The following CDH23 variants were observed in gnomAD, a reference collection of about 807,000 sequenced individuals.
CDH23 encodes cadherin-23.
In CDH23, 189 loss-of-function variants were observed where a neutral mutation model predicts 317.1. The ratio of observed to expected loss-of-function variants is 0.60; its 90% CI spans 0.53 to 0.67. The LOEUF (loss-of-function observed/expected upper bound fraction) is 0.67. CDH23 is among the 30% of genes least tolerant of loss of function. CDH23 has a pLI of 0.00. For missense variants in CDH23, 4,401 were observed against 4,592.4 expected (o/e 0.96, Z 1.20); for synonymous variants, 1,839 against 1,876.8 (o/e 0.98, Z 0.52).
intron 3 of CDH23, among the ~76,000 whole-genome samples, chr10:71,508,958 C>T (rs992823651): frequency 1.3e-5 from 2 of 152,192 alleles, no homozygotes; most frequent in Non-Finnish European, 2.9e-5. Flanking sequence ...CAAAGCAGGG[C>T]AGTTAGTGAC....
chr10:71,807,704 C>G lies in CDH23; in HGVS notation c.8497C>G (p.Arg2833Gly), dbSNP rs760130862. Reference sequence around the variant, plus strand: ...TGCTGACCTCACACTGCAGGAGGTGCGCGTTGTGCTAGAGGACATCAACGA... The same window carrying G: ...TGCTGACCTCACACTGCAGGAGGTGGGCGTTGTGCTAGAGGACATCAACGA... ...LVADLTLQEV[R>G]VVLEDINDQP... Residue 2833 changes from arginine (R) to glycine (G), a missense_variant, in exon 59 of 70, where the codon CGC becomes GGC. This residue lies in a region of CDH23 where 1,144 missense variants were observed against 1,138.2 expected (regional missense o/e 1.01). Coordinates refer to ENST00000224721, the MANE Select transcript of CDH23 (RefSeq NM_022124.6). The G allele has an allele frequency of 1.2e-6, 2 of 1,612,436 alleles. No individual in the cohort carries two copies. Among genetic ancestry groups the G allele is most frequent in the Non-Finnish European group, 8.5e-7 (1 of 1,179,240 alleles).
intron 3 of CDH23, among the ~76,000 whole-genome samples, chr10:71,489,107 C>G (rs576396472): frequency 1.3e-5 from 2 of 152,154 alleles, no homozygotes; most frequent in African/African-American, 4.8e-5. Flanking sequence ...CATTTGTCTT[C>G]TTTAATCTAT....
chr10:71,786,893 A>G (rs550415033), intron 44 of CDH23, among the ~76,000 whole-genome samples: 1 of 151,548 alleles, frequency 6.6e-6, no homozygotes, highest in African/African-American at 2.4e-5. Context: ...TAAAAGCAGC[A>G]TTGAGTGGCA....
chr10:71,745,653 C>T (rs1729497138), intron 38 of CDH23, among the ~76,000 whole-genome samples: 1 of 152,220 alleles, frequency 6.6e-6, no homozygotes, highest in Non-Finnish European at 1.5e-5. Flanking sequence ...CTTCCACTGA[C>T]CAGACCCTCA....
At chr10:71,552,301 A>G (rs953227043) in intron 6 of CDH23, among the ~76,000 whole-genome samples, 1 of 152,104 alleles carries the variant, frequency 6.6e-6, no homozygotes, top group Non-Finnish European at 1.5e-5. Flanking sequence ...AGTGATCCAC[A>G]TGAGAGCTGG....
At chr10:71,507,530 A>G (rs957620998) in intron 3 of CDH23, among the ~76,000 whole-genome samples, 1 of 152,232 alleles carries the variant, frequency 6.6e-6, no homozygotes, top group Middle Eastern at 3.4e-3. Context: ...CATCTCTACT[A>G]AAACTACGAA....
At chr10:71,529,126 T>G (rs1025066653) in intron 6 of CDH23, among the ~76,000 whole-genome samples, 3 of 152,170 alleles carry the variant, frequency 2.0e-5, no homozygotes, top group Admixed American at 6.5e-5. Flanking sequence ...GAGCATTTGT[T>G]AAAATGTGGA....
Position 71,397,240 on chromosome 10 carries a change from G to C in CDH23, c.-84G>C. 4.8e-6 allele frequency: 1 copy of C among 209,616 alleles called. No homozygotes were observed. Among genetic ancestry groups the C allele is most frequent in the Non-Finnish European group, 9.6e-6 (1 of 104,640 alleles). 13.0% of individuals were successfully genotyped at this position (209,616 alleles called of 1,614,324 possible). On this transcript the variant is annotated 5_prime_UTR_variant, in exon 1 of 70. Transcript: ENST00000224721. The surrounding 1 kb of genome is among the most constrained non-coding windows in gnomAD (Gnocchi z 4.8). ...GCGGCGGTGGCCAGGGCCAGAGCAG[G>C]CGGCCCGCGGGGGCCGATCCGGCGG...
At chr10:71,550,587 AAAAGAAAGAAAG>A (rs1313315240) in intron 6 of CDH23, among the ~76,000 whole-genome samples, 1 of 151,344 alleles carries the variant, frequency 6.6e-6, no homozygotes, top group East Asian at 1.9e-4. Flanking sequence ...AGAAAAAAGA[AAAAGAAAGAAAG>A]AAAGAAAAGG....
intron 7 of CDH23, among the ~76,000 whole-genome samples, chr10:71,569,887 T>C (rs1283487517): frequency 6.6e-6 from 1 of 150,902 alleles, no homozygotes; most frequent in Non-Finnish European, 1.5e-5. Context: ...TGCCAAGCAT[T>C]AAAAAAAAAT....
chr10:71,718,356 C>A (rs1423539629), intron 28 of CDH23, among the ~76,000 whole-genome samples: 1 of 151,924 alleles, frequency 6.6e-6, no homozygotes, highest in Admixed American at 6.5e-5. Context: ...ACCCCACCTC[C>A]CACCCATTCC....
At chr10:71,473,419 C>T (rs760573244) in intron 3 of CDH23, among the ~76,000 whole-genome samples, 4 of 152,156 alleles carry the variant, frequency 2.6e-5, no homozygotes, top group Non-Finnish European at 4.4e-5. Flanking sequence ...TACTGTGTGC[C>T]GGATATGATG....
intron 8 of CDH23, among the ~76,000 whole-genome samples, chr10:71,571,661 T>C (rs910215334): frequency 3.3e-5 from 5 of 152,216 alleles, no homozygotes; most frequent in African/African-American, 1.2e-4. Flanking sequence ...CAAACTTGAA[T>C]GCAACACCGG....
At chr10:71,415,116 T>A (rs1448914811) in intron 1 of CDH23, among the ~76,000 whole-genome samples, 1 of 152,144 alleles carries the variant, frequency 6.6e-6, no homozygotes, top group Non-Finnish European at 1.5e-5. Flanking sequence ...TTATTATTAT[T>A]GTTATTATTT....
intron 41 of CDH23, among the ~76,000 whole-genome samples, chr10:71,783,279 C>T (rs1476054111): frequency 1.3e-5 from 2 of 152,210 alleles, no homozygotes; most frequent in Admixed American, 6.5e-5. Flanking sequence ...GCTGGGCTCA[C>T]GCTTGCTCAC....
At chr10:71,486,073 T>A (rs1852330999) in intron 3 of CDH23, among the ~76,000 whole-genome samples, 1 of 152,234 alleles carries the variant, frequency 6.6e-6, no homozygotes, top group African/African-American at 2.4e-5. Context: ...GAGCCACGCC[T>A]GTCCTGTCAT....
intron 9 of CDH23, among the ~76,000 whole-genome samples, chr10:71,586,830 C>T (rs1456276379): frequency 6.6e-6 from 1 of 152,136 alleles, no homozygotes; most frequent in Non-Finnish European, 1.5e-5. Context: ...TCCTGGGACT[C>T]CTATTTTATC....
At chr10:71,761,910 T>A in intron 38 of CDH23, 2 of 1,613,990 alleles carry the variant, frequency 1.2e-6, no homozygotes, top group Non-Finnish European at 1.7e-6. Context: ...TTGTAGAAGG[T>A]CACATCGTGC....
Position 71,777,829 on chromosome 10 carries a change from T to C in CDH23, c.4995T>C (p.Gly1665=), listed in dbSNP as rs1840853365. The C allele has an allele frequency of 1.9e-6, 3 of 1,613,530 alleles. No individual in the cohort carries two copies. Among genetic ancestry groups the C allele is most frequent in the Non-Finnish European group, 2.5e-6 (3 of 1,179,816 alleles). ...ITIQALDLDE[G]PNGTVTYAIV... The stretch of plus-strand genomic sequence containing the variant: ...TCCAGGCACTGGACCTGGATGAGGG[T>C]CCCAACGGCACAGTCACCTATGCCA... Residue 1665 remains glycine (G), a synonymous_variant, in exon 39 of 70, where the codon GGT becomes GGC. Transcript: ENST00000224721.
Sources: gnomAD v4.1 joint callset for allele counts (sites outside exome capture counted in the v4.1 genomes callset) on GRCh38, gnomAD v4.1.1 for gene constraint, gnomAD v4.1.1 regional missense constraint, Gnocchi (gnomAD v3.1) non-coding constraint, MANE v1.5 for transcripts, NCBI Gene and HGNC (gene_info 2026-07-23, HGNC 2026-07-21) for gene names.